The following RPTOR variants were observed in gnomAD, a reference collection of about 807,000 sequenced individuals.
RPTOR encodes the protein regulatory associated protein of MTOR complex 1.
Under a neutral mutation model 169.9 loss-of-function variants are expected in RPTOR, and 21 were observed. The observed-to-expected ratio is 0.12, with a 90% CI of 0.09 to 0.18. The LOEUF (loss-of-function observed/expected upper bound fraction) is 0.18, where lower values mean the gene tolerates loss of function less well. Ranked by LOEUF, RPTOR falls within the 10% of genes least tolerant of loss-of-function variation. RPTOR has a pLI of 1.00. For synonymous variants in RPTOR, 732 were observed against 753.2 expected, an observed-to-expected ratio of 0.97 and a Z score of 0.46; for missense variants, 1,133 against 1,855.9, an observed-to-expected ratio of 0.61 and a Z score of 7.16.
chr17:80,678,315 C>T (rs548493666), intron 3 of RPTOR, among the ~76,000 whole-genome samples: 1 of 152,328 alleles, frequency 6.6e-6, no homozygotes, highest in South Asian at 2.1e-4. Context: ...TAGACAGGGA[C>T]AACCACAGGT....
At chr17:80,950,711 G>A (rs1293131737) in intron 28 of RPTOR, among the ~76,000 whole-genome samples, 3 of 152,158 alleles carry the variant, frequency 2.0e-5, no homozygotes, top group African/African-American at 7.2e-5. Flanking sequence ...TGGTCCAGGA[G>A]GGGTCCCGGG....
At chr17:80,729,333 C>A (rs911268555) in intron 4 of RPTOR, among the ~76,000 whole-genome samples, 4 of 152,220 alleles carry the variant, frequency 2.6e-5, no homozygotes, top group African/African-American at 9.6e-5. Flanking sequence ...AATTTGATTT[C>A]TGCCACAGCT....
intron 21 of RPTOR, among the ~76,000 whole-genome samples, chr17:80,918,456 C>G (rs1275049537): frequency 2.2e-5 from 3 of 138,996 alleles, no homozygotes; most frequent in Non-Finnish European, 4.6e-5. Context: ...GTCATAGCCA[C>G]GAGCACCCTC....
intron 13 of RPTOR, among the ~76,000 whole-genome samples, chr17:80,862,357 C>T (rs372604285): frequency 7.9e-5 from 12 of 152,110 alleles, no homozygotes; most frequent in African/African-American, 2.9e-4. Context: ...GTTACCCTGG[C>T]GATAACTTCC....
chr17:80,860,098 G>A lies in RPTOR; in HGVS notation c.1509+2198G>A, dbSNP rs959080054. ...TGTGGCAGGTGAGGGGAGAGTGGAC[G>A]GAGCTTAAGCCCCCGGGGCTCCTGC... On this transcript the variant is annotated intron_variant, in intron 13 of 33. Coordinates refer to ENST00000306801, the MANE Select transcript of RPTOR (RefSeq NM_020761.3). The surrounding 1 kb of genome is among the most constrained non-coding windows in gnomAD (Gnocchi z 5.8). Among the ~76,000 whole-genome samples the A allele has an allele frequency of 2.0e-5, 3 of 152,190 alleles. No individual in the cohort carries two copies. Among genetic ancestry groups the A allele is most frequent in the Non-Finnish European group, 4.4e-5 (3 of 68,016 alleles).
Position 80,746,488 on chromosome 17 carries a change from G to T in RPTOR, c.655-7522G>T, listed in dbSNP as rs558605036. Among the ~76,000 whole-genome samples, 1 of 152,178 alleles carries T rather than the reference G, an allele frequency of 6.6e-6. No individual in the cohort carries two copies. Among genetic ancestry groups the T allele is most frequent in the South Asian group, 2.1e-4 (1 of 4,828 alleles). ...TGCAGCAGATGTCTTTTTTGGATCC[G>T]GTTGCTGTGTATCGCATCGCAAGAC... On this transcript the variant is annotated intron_variant, in intron 5 of 33. Coordinates refer to ENST00000306801, the MANE Select transcript of RPTOR (RefSeq NM_020761.3). This position sits in a 1 kb window ranked among gnomAD's most constrained non-coding sequence, Gnocchi z 4.5.
intron 2 of RPTOR, among the ~76,000 whole-genome samples, chr17:80,636,298 C>T (rs1179512857): frequency 2.0e-5 from 3 of 152,122 alleles, no homozygotes; most frequent in African/African-American, 4.8e-5. Context: ...TCAAACACCC[C>T]GACCCCTACG....
At chr17:80,877,239 C>A (rs756648749) in intron 13 of RPTOR, among the ~76,000 whole-genome samples, 1 of 152,230 alleles carries the variant, frequency 6.6e-6, no homozygotes, top group Non-Finnish European at 1.5e-5. Flanking sequence ...CCACCCCAGT[C>A]CCCCTAGCCA....
intron 1 of RPTOR, among the ~76,000 whole-genome samples, chr17:80,576,687 A>C (rs571379671): frequency 6.6e-6 from 1 of 152,144 alleles, no homozygotes; most frequent in Admixed American, 6.5e-5. Flanking sequence ...GTTAGTCTGA[A>C]AATATCTTTT....
At chr17:80,907,811 G>T (rs1160469334) in intron 20 of RPTOR, among the ~76,000 whole-genome samples, 1 of 152,098 alleles carries the variant, frequency 6.6e-6, no homozygotes, top group East Asian at 1.9e-4. Flanking sequence ...CCCCTCCTTT[G>T]CCCAGAGAAT....
At chr17:80,621,543 C>A (rs941760569) in intron 1 of RPTOR, among the ~76,000 whole-genome samples, 1 of 152,184 alleles carries the variant, frequency 6.6e-6, no homozygotes, top group African/African-American at 2.4e-5. Flanking sequence ...GCCTCTTCAC[C>A]CAGCGAGCTT....
chr17:80,768,711 A>G (rs752038460), intron 6 of RPTOR, among the ~76,000 whole-genome samples: 6 of 152,154 alleles, frequency 3.9e-5, no homozygotes, highest in Non-Finnish European at 8.8e-5. Flanking sequence ...CGACTGACTT[A>G]TATCCCCATC....
chr17:80,557,262 C>T (rs2084421276), intron 1 of RPTOR, among the ~76,000 whole-genome samples: 1 of 152,032 alleles, frequency 6.6e-6, no homozygotes. Flanking sequence ...ATTCAAATGA[C>T]TTTAAAAAGG....
intron 6 of RPTOR, among the ~76,000 whole-genome samples, chr17:80,775,404 C>T (rs368947225): frequency 2.6e-5 from 4 of 152,286 alleles, no homozygotes; most frequent in Middle Eastern, 3.4e-3. Context: ...AGCCCCATAC[C>T]CAGCCAGTCT....
At chr17:80,901,366 A>G (rs1213091062) in intron 20 of RPTOR, among the ~76,000 whole-genome samples, 1 of 151,180 alleles carries the variant, frequency 6.6e-6, no homozygotes, top group African/African-American at 2.4e-5. Context: ...TTCTTATACA[A>G]TGTGATTCCT....
intron 1 of RPTOR, among the ~76,000 whole-genome samples, chr17:80,572,211 C>G (rs1276586832): frequency 1.3e-5 from 2 of 152,146 alleles, no homozygotes; most frequent in Non-Finnish European, 2.9e-5. Context: ...GATCTTCCCA[C>G]CTCAGCCTCC....
At chr17:80,841,625 G>C (rs111286046) in intron 10 of RPTOR, among the ~76,000 whole-genome samples, 121 of 56,942 alleles carry the variant, frequency 2.1e-3, no homozygotes, top group Middle Eastern at 0.015. Context: ...TCTCACCGCA[G>C]GGCAGCTGAC....
chr17:80,896,861 A>G (rs2068412554), intron 20 of RPTOR, among the ~76,000 whole-genome samples: 1 of 152,210 alleles, frequency 6.6e-6, no homozygotes, highest in Non-Finnish European at 1.5e-5. Flanking sequence ...TATGTCTTCA[A>G]GACAGTCTAA....
intron 6 of RPTOR, among the ~76,000 whole-genome samples, chr17:80,780,778 C>G (rs907530929): frequency 6.6e-6 from 1 of 152,170 alleles, no homozygotes; most frequent in African/African-American, 2.4e-5. Flanking sequence ...ACCCTCCCCC[C>G]GGGGGGCCTC....
Sources: gnomAD v4.1 joint callset for allele counts (sites outside exome capture counted in the v4.1 genomes callset) on GRCh38, gnomAD v4.1.1 for gene constraint, Gnocchi (gnomAD v3.1) non-coding constraint, MANE v1.5 for transcripts, NCBI Gene and HGNC (gene_info 2026-07-23, HGNC 2026-07-21) for gene names.